The following CEP57L1 variants were observed in gnomAD, a reference collection of about 807,000 sequenced individuals.
CEP57L1 encodes the protein centrosomal protein CEP57L1.
A neutral mutation model predicts 61.0 loss-of-function variants in CEP57L1; 37 were observed. That is an observed-to-expected ratio of 0.61 (90% CI 0.47 to 0.80). The LOEUF (loss-of-function observed/expected upper bound fraction) is 0.80, where lower values mean the gene tolerates loss of function less well. Among genes scored for constraint, CEP57L1 ranks in the 30% least tolerant of loss-of-function variants. The probability of loss-of-function intolerance (pLI) is 0.00; values close to 1 mark genes in which losing one functional copy is unlikely to be tolerated. For missense variants in CEP57L1, 422 were observed against 524.7 expected (o/e 0.80, Z 1.91); for synonymous variants, 137 against 162.3 (o/e 0.84, Z 1.19).
rs553086692 is a variant in CEP57L1, at chr6:109,131,691, A to T, written c.-3-13528A>T. 7.7e-4 allele frequency among the ~76,000 whole-genome samples: 116 copies of T among 151,614 alleles called. 1 individual carries two copies. Among genetic ancestry groups the T allele is most frequent in the Middle Eastern group, 6.8e-3 (2 of 294 alleles). ...ATGCTGGATAAAATACTTAAAAAAAATTTTTTTAAGTATGCTTGAGTTGAC... is the reference window on the plus strand; with the variant it reads ...ATGCTGGATAAAATACTTAAAAAAATTTTTTTTAAGTATGCTTGAGTTGAC... On this transcript the variant is annotated intron_variant, in intron 1 of 10. Coordinates refer to ENST00000517392, the MANE Select transcript of CEP57L1 (RefSeq NM_001271852.3).
intron 1 of CEP57L1, among the ~76,000 whole-genome samples, chr6:109,136,837 C>T (rs1036266653): frequency 6.6e-6 from 1 of 151,936 alleles, no homozygotes; most frequent in Admixed American, 6.6e-5. Context: ...CTCACTGCAG[C>T]CTCCACCTCC....
At position 109,172,860 on chromosome 6, in the gene CEP57L1, C is replaced by G. The variant is rs183777460; in HGVS notation, c.*9890C>G. Among the ~76,000 whole-genome samples the G allele has an allele frequency of 2.0e-5, 3 of 152,270 alleles. No individual in the cohort carries two copies. In the East Asian group the frequency reaches 5.8e-4, roughly 29 times the overall value. ...ACTACAACATAGGAGTTAACTTTGT[C>G]TGGAGGCTTTTTCAAGCCCAAGAGG... On this transcript the variant is annotated 3_prime_UTR_variant, in exon 11 of 11. Transcript: ENST00000517392.
At chr6:109,126,648 A>C (rs1189451884) in intron 1 of CEP57L1, among the ~76,000 whole-genome samples, 1 of 152,170 alleles carries the variant, frequency 6.6e-6, no homozygotes, top group Non-Finnish European at 1.5e-5. Context: ...GACCTTAGAC[A>C]TTATATGTTC....
intron 7 of CEP57L1, chr6:109,156,969 A>G (rs1173810004): frequency 6.6e-6 from 1 of 152,106 alleles, no homozygotes; most frequent in African/African-American, 2.4e-5. Context: ...AAAAATCACT[A>G]TAAGTAATTT....
At chr6:109,161,030 C>A (rs1773674634) in intron 10 of CEP57L1, among the ~76,000 whole-genome samples, 1 of 152,142 alleles carries the variant, frequency 6.6e-6, no homozygotes, top group Admixed American at 6.6e-5. Flanking sequence ...TTTTAGCATT[C>A]TTTTTCGTTT....
At chr6:109,146,588 C>T (rs1323855214) in intron 2 of CEP57L1, among the ~76,000 whole-genome samples, 170 bp from the exon 3 acceptor site, 1 of 151,870 alleles carries the variant, frequency 6.6e-6, no homozygotes, top group South Asian at 2.1e-4. Context: ...AGAAAATGTG[C>T]GCCTCTTCAA....
intron 7 of CEP57L1, chr6:109,157,979 C>T (rs1480588180): frequency 6.6e-6 from 1 of 152,222 alleles, no homozygotes; most frequent in Admixed American, 6.5e-5. Flanking sequence ...ACATCCCCTT[C>T]CCTGAACATT....
intron 1 of CEP57L1, chr6:109,100,287 G>T (rs1782217856): frequency 6.6e-6 from 1 of 152,126 alleles, no homozygotes; most frequent in Non-Finnish European, 1.5e-5. Flanking sequence ...ACTTTCAAAG[G>T]TATGGCATAT....
At chr6:109,148,299 C>G (rs940681443) in intron 3 of CEP57L1, among the ~76,000 whole-genome samples, 15 of 151,232 alleles carry the variant, frequency 9.9e-5, no homozygotes, top group African/African-American at 3.7e-4. Flanking sequence ...CCCCAGAGTG[C>G]GATGTTCCCC....
chr6:109,117,119 C>T (rs1772396416), intron 1 of CEP57L1, among the ~76,000 whole-genome samples: 1 of 152,020 alleles, frequency 6.6e-6, no homozygotes, highest in African/African-American at 2.4e-5. Context: ...ACATGTATTA[C>T]TTTTATAATC....
At chr6:109,153,644 AT>A (rs1282667925) in intron 4 of CEP57L1, among the ~76,000 whole-genome samples, 188 bp from the exon 5 acceptor site, 19 of 152,304 alleles carry the variant, frequency 1.2e-4, no homozygotes, top group Non-Finnish European at 2.5e-4. Context: ...GTTGAAAAAA[AT>A]AAATAACAAA....
chr6:109,152,784 AT>A (rs1772782181), intron 4 of CEP57L1, among the ~76,000 whole-genome samples: 1 of 151,958 alleles, frequency 6.6e-6, no homozygotes, highest in Non-Finnish European at 1.5e-5. Context: ...CACCTTGTAA[AT>A]AACACTATTT....
chr6:109,121,823 A>G (rs541529830), intron 1 of CEP57L1, among the ~76,000 whole-genome samples: 3 of 152,326 alleles, frequency 2.0e-5, no homozygotes, highest in East Asian at 1.9e-4. Flanking sequence ...AAGGGAAACA[A>G]TTTTATAATT....
rs1771740329 is a variant in CEP57L1 at position 109,144,372 on chromosome 6, T to G, written c.-3-847T>G. The stretch of plus-strand genomic sequence containing the variant: ...CTTGGATTTCCATTTTGAAGCAAGC[T>G]TTCTTGCTTAAAATTCTTCCAGTGA... On this transcript the variant is annotated intron_variant, in intron 1 of 10. Transcript: ENST00000517392. Among the ~76,000 whole-genome samples, 3 of 152,180 alleles carry G rather than the reference T, an allele frequency of 2.0e-5. No homozygotes were observed. In the South Asian group the frequency reaches 6.2e-4, roughly 31 times the overall value.
At chr6:109,148,037 C>T (rs1772154274) in intron 3 of CEP57L1, among the ~76,000 whole-genome samples, 1 of 152,132 alleles carries the variant, frequency 6.6e-6, no homozygotes, top group South Asian at 2.1e-4. Flanking sequence ...TCACATAGTA[C>T]ATTTCTTGTG....
intron 1 of CEP57L1, among the ~76,000 whole-genome samples, chr6:109,099,257 A>G (rs899262802): frequency 3.9e-5 from 6 of 152,294 alleles, no homozygotes; most frequent in South Asian, 4.1e-4. Flanking sequence ...GTGATATTCT[A>G]TGGAGTTTGG....
intron 3 of CEP57L1, 150 bp downstream of exon 3, chr6:109,147,087 G>T (rs1772046838): frequency 9.1e-6 from 5 of 550,556 alleles, no homozygotes; most frequent in East Asian, 3.6e-5. Context: ...TTTGATATTT[G>T]TGAGAAAAAG....
chr6:109,127,609 T>G, intron 1 of CEP57L1, among the ~76,000 whole-genome samples: 1 of 151,962 alleles, frequency 6.6e-6, no homozygotes, highest in Non-Finnish European at 1.5e-5. Context: ...CTTAATCTTT[T>G]TTTGTTTGTT....
At chr6:109,142,820 G>C (rs1197914769) in intron 1 of CEP57L1, among the ~76,000 whole-genome samples, 2 of 152,082 alleles carry the variant, frequency 1.3e-5, no homozygotes, top group African/African-American at 2.4e-5. Context: ...GTACTTCTCT[G>C]TATTTTCAGA....
Sources: allele counts gnomAD v4.1 joint callset (sites outside exome capture counted in the v4.1 genomes callset), GRCh38; gene constraint gnomAD v4.1.1; transcripts MANE v1.5; gene names NCBI Gene and HGNC (gene_info 2026-07-23, HGNC 2026-07-21).